Variants in LRRC37A2 observed in about 807,000 individuals in gnomAD.
LRRC37A2 encodes leucine-rich repeat-containing protein 37A2.
Under a neutral mutation model 68.8 loss-of-function variants are expected in LRRC37A2, and 9 were observed. That is an observed-to-expected ratio of 0.13 (90% CI 0.08 to 0.23). The LOEUF is 0.23. LRRC37A2 is among the 10% of genes least tolerant of loss of function. The probability of loss-of-function intolerance (pLI) is 1.00; values close to 1 mark genes in which losing one functional copy is unlikely to be tolerated. For synonymous variants in LRRC37A2, 63 were observed against 367.6 expected (o/e 0.17, Z 9.48); for missense variants, 168 against 950.4 (o/e 0.18, Z 10.82).
the LRRC37A2 span, among the ~76,000 whole-genome samples, chr17:46,972,585 C>G: frequency 6.6e-6 from 1 of 152,228 alleles, no homozygotes; most frequent in Non-Finnish European, 1.5e-5. Context: ...TTGGCCTCTG[C>G]CCATCTGGCT....
At chr17:46,875,393 T>C in the LRRC37A2 span, 2 of 1,564,392 alleles carry the variant, frequency 1.3e-6, no homozygotes, top group Non-Finnish European at 1.7e-6. Context: ...CTGCCCGCAG[T>C]GCCTTCCCAC....
the LRRC37A2 span, chr17:46,749,765 A>G: frequency 6.2e-7 from 1 of 1,610,458 alleles, no homozygotes; most frequent in South Asian, 1.1e-5. Flanking sequence ...TTTTCTCCCT[A>G]TGATCAGGGC....
At chr17:46,978,697 T>G in the LRRC37A2 span, 1 of 1,611,664 alleles carries the variant, frequency 6.2e-7, no homozygotes, top group Non-Finnish European at 8.5e-7. Flanking sequence ...CCGGCGCTCC[T>G]GCACCAGAAA....
the LRRC37A2 span, among the ~76,000 whole-genome samples, chr17:46,635,777 ATGTG>A: frequency 2.7e-3 from 310 of 116,788 alleles, 15 homozygotes; most frequent in Admixed American, 7.2e-3. Flanking sequence ...GGGAAAATAA[ATGTG>A]TGTGTGTGTG....
chr17:46,768,739 C>T, the LRRC37A2 span: 1 of 1,614,162 alleles, frequency 6.2e-7, no homozygotes, highest in Non-Finnish European at 8.5e-7. The surrounding 1 kb of genome is among the most constrained non-coding windows in gnomAD (Gnocchi z 5.0). Flanking sequence ...CAGGTCTTCA[C>T]CTCACAGCTG....
At chr17:46,503,324 C>G in the LRRC37A2 span, among the ~76,000 whole-genome samples, 307 of 149,774 alleles carry the variant, frequency 2.0e-3, 28 homozygotes, top group African/African-American at 7.6e-3. Flanking sequence ...TTCATTCACT[C>G]AATCAACAGA....
chr17:46,440,474 A>AT, the LRRC37A2 span, among the ~76,000 whole-genome samples: 80 of 48,702 alleles, frequency 1.6e-3, 2 homozygotes, highest in African/African-American at 4.0e-3. Context: ...GTGTATCAGA[A>AT]TTTTTTTTTT....
chr17:47,018,587 A>T, the LRRC37A2 span: 1 of 1,520,230 alleles, frequency 6.6e-7, no homozygotes, highest in Non-Finnish European at 9.1e-7. Flanking sequence ...TTCCAGAGTC[A>T]TCGGAAGAAG....
chr17:47,026,481 A>T, the LRRC37A2 span, among the ~76,000 whole-genome samples: 1 of 152,210 alleles, frequency 6.6e-6, no homozygotes, highest in Non-Finnish European at 1.5e-5. Context: ...CAGTTGGTCT[A>T]GAGTGGGACC....
the LRRC37A2 span, among the ~76,000 whole-genome samples, chr17:46,759,468 A>G: frequency 6.6e-6 from 1 of 152,246 alleles, no homozygotes; most frequent in Non-Finnish European, 1.5e-5. Flanking sequence ...AAATTTTCCC[A>G]GCGTAGACGC....
chr17:46,913,118 A>G, the LRRC37A2 span, among the ~76,000 whole-genome samples: 1 of 152,206 alleles, frequency 6.6e-6, no homozygotes, highest in Non-Finnish European at 1.5e-5. Flanking sequence ...ATTCCAGGTG[A>G]CGGCTCTTCC....
the LRRC37A2 span, among the ~76,000 whole-genome samples, chr17:46,961,473 T>C: frequency 3.0e-3 from 458 of 152,194 alleles, 2 homozygotes; most frequent in African/African-American, 0.011. Context: ...AGTTCGAGGC[T>C]GCAGTGAGCT....
the LRRC37A2 span, among the ~76,000 whole-genome samples, chr17:46,766,610 G>A: frequency 2.8e-4 from 43 of 152,194 alleles, no homozygotes; most frequent in African/African-American, 1.0e-3. Context: ...TCCCCACCAG[G>A]ACAGAACTTG....
the LRRC37A2 span, chr17:46,931,256 C>G: frequency 1.1e-6 from 1 of 894,420 alleles, no homozygotes. Context: ...CCCATCAAGA[C>G]AGGCTTTTCT....
chr17:46,725,814 G>A, the LRRC37A2 span, among the ~76,000 whole-genome samples: 6 of 152,082 alleles, frequency 3.9e-5, no homozygotes. Flanking sequence ...GATTTCCTGA[G>A]CCCCACCTGT....
At chr17:46,939,767 A>G in the LRRC37A2 span, 2 of 987,520 alleles carry the variant, frequency 2.0e-6, no homozygotes, top group Non-Finnish European at 2.4e-6. Context: ...TTCAGGGACT[A>G]CAACCTTTTT....
At chr17:46,975,892 A>AAAGGAAGG in the LRRC37A2 span, among the ~76,000 whole-genome samples, 1 of 151,344 alleles carries the variant, frequency 6.6e-6, no homozygotes, top group Non-Finnish European at 1.5e-5. Context: ...GAAGAAAGAT[A>AAAGGAAGG]AAGGAAGGAA....
the LRRC37A2 span, chr17:46,916,760 T>A: frequency 6.6e-6 from 1 of 152,234 alleles, no homozygotes; most frequent in Non-Finnish European, 1.5e-5. Flanking sequence ...CACTGGGTAA[T>A]GTTTAAAGAA....
At chr17:46,828,450 A>C in the LRRC37A2 span, among the ~76,000 whole-genome samples, 3 of 151,776 alleles carry the variant, frequency 2.0e-5, no homozygotes, top group African/African-American at 7.3e-5. Flanking sequence ...CGATCCATCC[A>C]CCTCAGCCTC....
Sources: allele counts gnomAD v4.1 joint callset (sites outside exome capture counted in the v4.1 genomes callset), GRCh38; gene constraint gnomAD v4.1.1; non-coding constraint Gnocchi (gnomAD v3.1); transcripts MANE v1.5; gene names NCBI Gene and HGNC (gene_info 2026-07-23, HGNC 2026-07-21).